Variants in BLM observed in about 807,000 individuals in gnomAD.
BLM encodes recQ-like DNA helicase BLM.
A neutral mutation model predicts 135.3 loss-of-function variants in BLM; 95 were observed. That is an observed-to-expected ratio of 0.70 (90% confidence interval 0.59 to 0.83). The LOEUF (loss-of-function observed/expected upper bound fraction) is 0.83. Among genes scored for constraint, BLM ranks in the 40% least tolerant of loss-of-function variants. The pLI, the probability that BLM is intolerant of heterozygous loss-of-function variation, is 0.00. For missense variants in BLM, 1,518 were observed against 1,663.9 expected (o/e 0.91, Z 1.53); for synonymous variants, 520 against 589.2 (o/e 0.88, Z 1.70).
intron 1 of BLM, among the ~76,000 whole-genome samples, chr15:90,733,663 T>C (rs1895124952): frequency 6.6e-6 from 1 of 152,226 alleles, no homozygotes; most frequent in Non-Finnish European, 1.5e-5. Context: ...GTAGCTTTAT[T>C]GATATAGACT....
At chr15:90,754,069 T>G (rs184989894) in intron 4 of BLM, among the ~76,000 whole-genome samples, 2 of 152,362 alleles carry the variant, frequency 1.3e-5, no homozygotes, top group Admixed American at 6.5e-5. Context: ...AAAATCTTTC[T>G]TTCATAGTCT....
At chr15:90,750,161 G>C (rs1232673904) in intron 3 of BLM, 94 bp downstream of exon 3, 2 of 1,370,384 alleles carry the variant, frequency 1.5e-6, no homozygotes, top group Admixed American at 3.9e-5. Flanking sequence ...TAGAGCTTTT[G>C]TCCTTAAGGT....
chr15:90,778,905 A>C (rs1248911015), intron 12 of BLM, among the ~76,000 whole-genome samples: 1 of 99,106 alleles, frequency 1.0e-5, no homozygotes. Context: ...TTTTTTTTTG[A>C]GACGGAGTCT....
rs374616797 is a variant in BLM, at chr15:90,790,642, A to G, written c.2824-7A>G. On this transcript the variant is annotated splice_polypyrimidine_tract_variant and splice_region_variant and intron_variant, in intron 14 of 21. Transcript: ENST00000355112. ...ATGAATCTAATAAGCTTTTGCTTTT[A>G]TATCAGGTTATCTGTGCTACAATTG... The G allele has an allele frequency of 3.7e-6, 6 of 1,613,684 alleles. No homozygotes were observed. The highest frequency in any genetic ancestry group is 1.7e-6 in the Non-Finnish European group (2 of 1,179,698).
intron 19 of BLM, among the ~76,000 whole-genome samples, chr15:90,807,613 G>T (rs995996606): frequency 2.2e-4 from 34 of 151,986 alleles, no homozygotes; most frequent in Non-Finnish European, 3.7e-4. Context: ...TACCCAGACT[G>T]GTCTCATACT....
rs893352310 is a variant in BLM at position 90,798,266 on chromosome 15, G to C, written c.3287G>C (p.Gly1096Ala). The part of the protein sequence containing the change: ...RFVQEHSSSQ[G>A]MRNIKHVGPS... ...GTTCAAGAACATAGTTCATCACAAGGAATGAGAAATATAAAACATGTAGGT... is the reference window on the plus strand; with the variant it reads ...GTTCAAGAACATAGTTCATCACAAGCAATGAGAAATATAAAACATGTAGGT... Residue 1096 changes from glycine (G) to alanine (A), a missense_variant, in exon 17 of 22, where the codon GGA (glycine) becomes GCA (alanine). Gly to Ala is a moderately conservative substitution (Grantham distance 60). This residue lies in a region of BLM where 626 missense variants were observed against 681.1 expected (regional missense o/e 0.92). Coordinates refer to ENST00000355112, the MANE Select transcript of BLM (RefSeq NM_000057.4). The C allele has an allele frequency of 5.6e-6, 9 of 1,612,040 alleles. No homozygotes were observed. The highest frequency in any genetic ancestry group is 7.6e-6 in the Non-Finnish European group (9 of 1,178,644).
At chr15:90,766,284 A>G (rs891804368) in intron 9 of BLM, among the ~76,000 whole-genome samples, 1 of 152,058 alleles carries the variant, frequency 6.6e-6, no homozygotes, top group Non-Finnish European at 1.5e-5. Context: ...CCTGAAATAC[A>G]TTTATCTAAA....
At chr15:90,781,234 G>T (rs1316145546) in intron 12 of BLM, among the ~76,000 whole-genome samples, 2 of 152,170 alleles carry the variant, frequency 1.3e-5, no homozygotes, top group African/African-American at 4.8e-5. Context: ...TCCTTCTGCT[G>T]TCCTGCAGTT....
intron 3 of BLM, among the ~76,000 whole-genome samples, chr15:90,750,316 T>C (rs1895647658): frequency 6.6e-6 from 1 of 151,962 alleles, no homozygotes; most frequent in Non-Finnish European, 1.5e-5. Context: ...AATACAGGAG[T>C]TTCCCCTTGT....
chr15:90,804,898 G>A (rs189408706), intron 19 of BLM, among the ~76,000 whole-genome samples: 8 of 152,204 alleles, frequency 5.3e-5, no homozygotes, highest in African/African-American at 1.2e-4. Flanking sequence ...GTGCAGTGGC[G>A]CGATCTCAGC....
intron 1 of BLM, among the ~76,000 whole-genome samples, chr15:90,736,734 C>G (rs370854084): frequency 7.2e-6 from 1 of 139,246 alleles, no homozygotes; most frequent in Non-Finnish European, 1.5e-5. Flanking sequence ...TCTTTGCAAA[C>G]GGGTGTAGAG....
Position 90,798,226 on chromosome 15 carries a change from A to T in BLM, c.3247A>T (p.Ser1083Cys). Reference sequence around the variant, plus strand: ...AAGAGATGTGACTGACGATGTGAAAAGTATTGTAAGATTTGTTCAAGAACA... The same window carrying T: ...AAGAGATGTGACTGACGATGTGAAATGTATTGTAAGATTTGTTCAAGAACA... Reference protein sequence around the residue: ...KTRDVTDDVKSIVRFVQEHSS... With the variant: ...KTRDVTDDVKCIVRFVQEHSS... The change falls in exon 17 of 22, where the codon AGT becomes TGT. Residue 1083 changes from serine (S) to cysteine (C), a missense_variant. Physicochemically the swap from Ser to Cys is moderately radical, Grantham distance 112. Coordinates refer to ENST00000355112, the MANE Select transcript of BLM (RefSeq NM_000057.4). 2 of 1,609,888 alleles carry T rather than the reference A, an allele frequency of 1.2e-6. No individual in the cohort carries two copies. Among genetic ancestry groups the T allele is most frequent in the Non-Finnish European group, 1.7e-6 (2 of 1,176,658 alleles).
At chr15:90,750,144 G>A in intron 3 of BLM, 77 bp downstream of exon 3, 1 of 1,451,830 alleles carries the variant, frequency 6.9e-7, no homozygotes, top group Non-Finnish European at 9.5e-7. Context: ...GAATAGTCAT[G>A]AATATATAGA....
intron 4 of BLM, among the ~76,000 whole-genome samples, chr15:90,752,180 AT>A (rs753796274): frequency 2.0e-3 from 289 of 143,028 alleles, no homozygotes; most frequent in Non-Finnish European, 1.8e-3. Flanking sequence ...TAGGTAGCTG[AT>A]TTTTTTTTTT....
At chr15:90,760,022 T>G (rs770006385) in intron 5 of BLM, 125 bp from the exon 6 acceptor site, 4 of 870,432 alleles carry the variant, frequency 4.6e-6, no homozygotes, top group South Asian at 4.4e-5. Context: ...ACTCCTGGAC[T>G]TAAGCAATCC....
intron 1 of BLM, among the ~76,000 whole-genome samples, chr15:90,739,726 T>A (rs1895314650): frequency 6.6e-6 from 1 of 152,222 alleles, no homozygotes; most frequent in African/African-American, 2.4e-5. Context: ...TCTCTATTTC[T>A]TGTGGCATTT....
intron 12 of BLM, among the ~76,000 whole-genome samples, chr15:90,779,296 C>A (rs1322597650): frequency 6.8e-6 from 1 of 147,184 alleles, no homozygotes; most frequent in African/African-American, 2.5e-5. Context: ...CTCACCAACA[C>A]TTGTTTTTGT....
chr15:90,755,418 C>CT (rs1895792222), intron 5 of BLM: 1 of 164,564 alleles, frequency 6.1e-6, no homozygotes, highest in Non-Finnish European at 1.3e-5. Context: ...TGTATATACT[C>CT]TGAGTCTAGG....
At chr15:90,782,671 C>A (rs905381592) in intron 12 of BLM, 151 bp from the exon 13 acceptor site, 2 of 627,364 alleles carry the variant, frequency 3.2e-6, no homozygotes, top group South Asian at 3.8e-5. Flanking sequence ...ATAACTCCAC[C>A]CCTCATGACC....
Sources: allele counts gnomAD v4.1 joint callset (sites outside exome capture counted in the v4.1 genomes callset), GRCh38; gene constraint gnomAD v4.1.1; regional missense constraint gnomAD v4.1.1; transcripts MANE v1.5; gene names NCBI Gene and HGNC (gene_info 2026-07-23, HGNC 2026-07-21).